Variants in ASB7 observed in about 807,000 individuals in gnomAD.
The protein encoded by ASB7 is ankyrin repeat and SOCS box containing 7.
In ASB7, 4 loss-of-function variants were observed where a neutral mutation model predicts 32.5. The ratio of observed to expected loss-of-function variants is 0.12; its 90% CI spans 0.06 to 0.28. ASB7 has a LOEUF of 0.28. ASB7 is among the 10% of genes least tolerant of loss of function. The probability of loss-of-function intolerance (pLI) is 1.00; values close to 1 mark genes in which losing one functional copy is unlikely to be tolerated. For synonymous variants in ASB7, 172 were observed against 155.6 expected (o/e 1.11, Z -0.78); for missense variants, 181 against 407.1 (o/e 0.44, Z 4.78).
chr15:100,612,553 C>A, intron 4 of ASB7, 126 bp downstream of exon 4: 2 of 893,606 alleles, frequency 2.2e-6, no homozygotes, highest in Non-Finnish European at 3.5e-6. Flanking sequence ...ATTCTCTCTC[C>A]TTTGTGAAGA....
chr15:100,637,017 A>G (rs2039928108), intron 5 of ASB7, among the ~76,000 whole-genome samples: 1 of 152,252 alleles, frequency 6.6e-6, no homozygotes, highest in African/African-American at 2.4e-5. Flanking sequence ...TCTCAGGAAA[A>G]GACATTCCAA....
intron 5 of ASB7, among the ~76,000 whole-genome samples, chr15:100,631,486 G>T (rs997111383): frequency 1.3e-5 from 2 of 152,174 alleles, no homozygotes; most frequent in African/African-American, 4.8e-5. Flanking sequence ...GATACCCGCA[G>T]TGCTGCAGTC....
chr15:100,650,633 G>A lies in ASB7; in HGVS notation c.*2171G>A, dbSNP rs964385272. 2.6e-5 allele frequency: 4 copies of A among 152,200 alleles called. No individual in the cohort carries two copies. The highest frequency in any genetic ancestry group is 2.1e-4 in the South Asian group (1 of 4,824). 9.4% of individuals were successfully genotyped at this position (152,200 alleles called of 1,614,324 possible). On this transcript the variant is annotated 3_prime_UTR_variant, in exon 6 of 6. Coordinates refer to ENST00000332783, the MANE Select transcript of ASB7 (RefSeq NM_198243.3). ...CTGAGTTTGAGTCAGGGAATTCCAC[G>A]TAAAAAGATCAGATTAAGGTAAATT...
At position 100,629,157 on chromosome 15, in the gene ASB7, A is replaced by G. The variant is rs923925875; in HGVS notation, c.212-280A>G. 1.3e-5 allele frequency among the ~76,000 whole-genome samples: 2 copies of G among 152,198 alleles called. No homozygotes were observed. The highest frequency in any genetic ancestry group is 2.9e-5 in the Non-Finnish European group (2 of 68,016). On this transcript the variant is annotated intron_variant, in intron 4 of 5. Transcript: ENST00000332783. The surrounding 1 kb of genome is among the most constrained non-coding windows in gnomAD (Gnocchi z 6.8). Reference sequence around the variant, plus strand: ...GGCAGTTGGTTAAATTAGCAAAGACAGGGGATGTGGTGATCTGTACTCCGT... The same window carrying G: ...GGCAGTTGGTTAAATTAGCAAAGACGGGGGATGTGGTGATCTGTACTCCGT...
At chr15:100,624,656 A>G (rs1259953822) in intron 4 of ASB7, among the ~76,000 whole-genome samples, 1 of 152,230 alleles carries the variant, frequency 6.6e-6, no homozygotes, top group East Asian at 1.9e-4. Context: ...AAAACTTTTC[A>G]CTGAGAAGAC....
intron 5 of ASB7, among the ~76,000 whole-genome samples, chr15:100,632,870 A>C (rs2039894326): frequency 2.0e-5 from 3 of 152,042 alleles, no homozygotes; most frequent in Admixed American, 1.3e-4. Flanking sequence ...AAAAAAAAAA[A>C]AACAGAGCGC....
intron 4 of ASB7, among the ~76,000 whole-genome samples, chr15:100,626,680 G>A (rs1230133027): frequency 6.6e-6 from 1 of 151,862 alleles, no homozygotes; most frequent in African/African-American, 2.4e-5. Flanking sequence ...ATTCATGATA[G>A]TGTTATTCAA....
chr15:100,611,819 C>CTT lies in ASB7; in HGVS notation c.-51-330_-51-329dup, dbSNP rs11350952. ...CTTAAGGTTTTAAAATATATTGCTA[C>CTT]TTTTTTTTTTTTTTTTTTGAGATGG... On this transcript the variant is annotated intron_variant, in intron 3 of 5. Transcript: ENST00000332783. 1.3e-3 allele frequency among the ~76,000 whole-genome samples: 142 copies of CTT among 112,890 alleles called. 1 individual carries two copies. Among genetic ancestry groups the CTT allele is most frequent in the Non-Finnish European group, 2.2e-3 (124 of 55,438 alleles). 74.1% of individuals were successfully genotyped at this position (112,890 alleles called of 152,430 possible).
intron 5 of ASB7, chr15:100,646,306 G>C: frequency 2.6e-6 from 1 of 389,064 alleles, no homozygotes; most frequent in South Asian, 2.3e-5. Flanking sequence ...CTCATCATAA[G>C]AACCAGTCAA....
intron 2 of ASB7, among the ~76,000 whole-genome samples, chr15:100,604,500 A>G (rs940377990): frequency 9.9e-5 from 15 of 152,190 alleles, no homozygotes; most frequent in Admixed American, 7.2e-4. Context: ...TTGATTTCCT[A>G]TGTTCCACTG....
At chr15:100,609,459 T>A (rs1454720754) in intron 2 of ASB7, 2 of 152,232 alleles carry the variant, frequency 1.3e-5, no homozygotes, top group African/African-American at 2.4e-5. Flanking sequence ...ATTTATTATT[T>A]TTTTTATTTG....
At chr15:100,614,373 A>G (rs1430061310) in intron 4 of ASB7, among the ~76,000 whole-genome samples, 2 of 152,126 alleles carry the variant, frequency 1.3e-5, no homozygotes, top group Non-Finnish European at 2.9e-5. Flanking sequence ...GTATAATTCT[A>G]CAACTGTTGT....
chr15:100,616,557 T>G (rs2039745023), intron 4 of ASB7, among the ~76,000 whole-genome samples: 1 of 152,244 alleles, frequency 6.6e-6, no homozygotes, highest in African/African-American at 2.4e-5. Context: ...AAAGACAGCC[T>G]AAATCATGCC....
At chr15:100,615,226 G>A (rs1483553530) in intron 4 of ASB7, among the ~76,000 whole-genome samples, 2 of 152,178 alleles carry the variant, frequency 1.3e-5, no homozygotes, top group African/African-American at 4.8e-5. Context: ...TATCCCTGTT[G>A]TTAAGTAGTA....
chr15:100,604,981 G>A (rs558079888), intron 2 of ASB7, among the ~76,000 whole-genome samples: 7 of 152,162 alleles, frequency 4.6e-5, no homozygotes, highest in Admixed American at 6.5e-5. Context: ...ACTCTAGGAC[G>A]CTTTCATTTC....
Position 100,611,484 on chromosome 15 carries a change from C to CTTTTTTTTTTTTTGTTTT in ASB7, c.-51-668_-51-667insTTTTTTTTTTTTTTTTTG, listed in dbSNP as rs2039695235. 2.6e-5 allele frequency among the ~76,000 whole-genome samples: 2 copies of CTTTTTTTTTTTTTGTTTT among 77,144 alleles called. 1 individual carries two copies. The highest frequency in any genetic ancestry group is 4.6e-5 in the Non-Finnish European group (2 of 43,162). 50.6% of individuals were successfully genotyped at this position (77,144 alleles called of 152,430 possible). A position where few individuals can be genotyped will look rare whatever the true frequency, so the allele number is the denominator to read the frequency against. On this transcript the variant is annotated intron_variant, in intron 3 of 5. Coordinates refer to ENST00000332783, the MANE Select transcript of ASB7 (RefSeq NM_198243.3). The stretch of plus-strand genomic sequence containing the variant: ...GGTTAATCACCAGATTGTTTCGATT[C>CTTTTTTTTTTTTTGTTTT]TTTTTTTTTTTTTGAGACAGAATTT...
intron 4 of ASB7, among the ~76,000 whole-genome samples, chr15:100,613,219 T>A (rs1209573462): frequency 6.6e-6 from 1 of 152,252 alleles, no homozygotes; most frequent in African/African-American, 2.4e-5. Context: ...TTCTAGGGCT[T>A]TAATTGCTCA....
chr15:100,638,802 G>A (rs561064643), intron 5 of ASB7, among the ~76,000 whole-genome samples: 10 of 152,056 alleles, frequency 6.6e-5, no homozygotes, highest in South Asian at 2.1e-4. Flanking sequence ...TTTAAGGCCC[G>A]CATGCATTAG....
At position 100,638,696 on chromosome 15, in the gene ASB7, T is replaced by G. The variant is rs542887400; in HGVS notation, c.817+8654T>G. Among the ~76,000 whole-genome samples, 119 of 152,364 alleles carry G rather than the reference T, an allele frequency of 7.8e-4. No homozygotes were observed. The Middle Eastern group carries it at 0.01, about 13-fold the overall frequency. On this transcript the variant is annotated intron_variant, in intron 5 of 5. Coordinates refer to ENST00000332783, the MANE Select transcript of ASB7 (RefSeq NM_198243.3). ...CAGAGCATCTTTTTAATTATTATTT[T>G]AAGTTCTGGGATACATGTGCTGAAT...
Sources: allele counts gnomAD v4.1 joint callset (sites outside exome capture counted in the v4.1 genomes callset), GRCh38; gene constraint gnomAD v4.1.1; non-coding constraint Gnocchi (gnomAD v3.1); transcripts MANE v1.5; gene names NCBI Gene and HGNC (gene_info 2026-07-23, HGNC 2026-07-21).